The following FSTL4 variants were observed in gnomAD, a reference collection of about 807,000 sequenced individuals.
FSTL4 encodes follistatin-related protein 4.
In FSTL4, 28 loss-of-function variants were observed where a neutral mutation model predicts 78.2. The ratio of observed to expected loss-of-function variants is 0.36; its 90% CI spans 0.27 to 0.49. The LOEUF (loss-of-function observed/expected upper bound fraction) is 0.49. Ranked by LOEUF, FSTL4 falls within the 20% of genes least tolerant of loss-of-function variation. FSTL4 has a pLI of 0.98. For synonymous variants in FSTL4, 422 were observed against 440.5 expected (o/e 0.96, Z 0.53); for missense variants, 922 against 1,084.9 (o/e 0.85, Z 2.11).
rs1750246761 is a variant in FSTL4, at chr5:133,199,389, T to C, written c.2235A>G (p.Glu745=). The change falls in exon 16 of 16, where the codon GAA becomes GAG. Residue 745 remains glutamate (E), a synonymous_variant. Coordinates refer to ENST00000265342, the MANE Select transcript of FSTL4 (RefSeq NM_015082.2). The surrounding 1 kb of genome is among the most constrained non-coding windows in gnomAD (Gnocchi z 4.4). ...CCGCGTAGATGTTGTATTGATTGCT[T>C]TCAGTGAAGGAGCGCTGGAAGGCCA... ...SDLAFQRSFT[E]SNQYNIYAAL... is the part of the protein sequence containing the mutation. 1 of 1,614,156 alleles carries C rather than the reference T, an allele frequency of 6.2e-7. No homozygotes were observed. Among genetic ancestry groups the C allele is most frequent in the East Asian group, 2.2e-5 (1 of 44,878 alleles).
chr5:133,427,387 A>G (rs908298248), intron 3 of FSTL4, among the ~76,000 whole-genome samples: 1 of 152,140 alleles, frequency 6.6e-6, no homozygotes, highest in African/African-American at 2.4e-5. Flanking sequence ...TTGGCAGTAG[A>G]GATATAAGAG....
the FSTL4 span, among the ~76,000 whole-genome samples, chr5:133,642,187 A>G: frequency 6.6e-6 from 1 of 152,210 alleles, no homozygotes; most frequent in Non-Finnish European, 1.5e-5. Flanking sequence ...TTCTGGCAAG[A>G]ATAGTGCTTG....
intron 14 of FSTL4, among the ~76,000 whole-genome samples, chr5:133,203,919 C>G (rs891361633): frequency 2.0e-5 from 3 of 152,204 alleles, no homozygotes; most frequent in African/African-American, 7.2e-5. Flanking sequence ...TCACGAGTTC[C>G]TCCTCGGCTT....
chr5:133,566,718 G>A (rs573324241), intron 3 of FSTL4, among the ~76,000 whole-genome samples: 6 of 152,278 alleles, frequency 3.9e-5, no homozygotes, highest in Non-Finnish European at 8.8e-5. Context: ...GTTTTCAAAA[G>A]GAAAATTAAT....
intron 2 of FSTL4, among the ~76,000 whole-genome samples, chr5:133,577,304 A>G (rs1760304879): frequency 6.6e-6 from 1 of 152,158 alleles, no homozygotes; most frequent in South Asian, 2.1e-4. Flanking sequence ...GCAAGTGCTC[A>G]TGAAAAACAC....
chr5:133,629,712 A>G, the FSTL4 span, among the ~76,000 whole-genome samples: 1 of 152,218 alleles, frequency 6.6e-6, no homozygotes, highest in African/African-American at 2.4e-5. Context: ...ATTTCAGGCC[A>G]ATATCCCTGA....
At chr5:133,656,351 T>A in the FSTL4 span, among the ~76,000 whole-genome samples, 1 of 152,140 alleles carries the variant, frequency 6.6e-6, no homozygotes, top group African/African-American at 2.4e-5. Flanking sequence ...TATACAACAA[T>A]TCCCATTTCA....
chr5:133,595,446 T>C (rs1284346320), intron 2 of FSTL4, among the ~76,000 whole-genome samples: 1 of 152,188 alleles, frequency 6.6e-6, no homozygotes, highest in Non-Finnish European at 1.5e-5. Context: ...TCAACAAATA[T>C]CTGAACATCC....
intron 13 of FSTL4, chr5:133,211,117 G>A (rs1046716098): frequency 1.3e-5 from 2 of 152,188 alleles, no homozygotes; most frequent in Non-Finnish European, 2.9e-5. Context: ...TGGCGCCTCT[G>A]GGTCTCAGAC....
intron 4 of FSTL4, among the ~76,000 whole-genome samples, chr5:133,319,411 G>T: frequency 6.6e-6 from 1 of 152,352 alleles, no homozygotes; most frequent in Middle Eastern, 3.4e-3. Context: ...GGCACTGTGG[G>T]TGCCTGTGGT....
At chr5:133,620,772 G>T in the FSTL4 span, among the ~76,000 whole-genome samples, 2 of 152,236 alleles carry the variant, frequency 1.3e-5, 1 homozygote, top group East Asian at 3.9e-4. Flanking sequence ...CAGGCTTTCA[G>T]TCTTTTATTA....
chr5:133,257,978 A>G (rs1291137591), intron 6 of FSTL4, among the ~76,000 whole-genome samples: 1 of 152,252 alleles, frequency 6.6e-6, no homozygotes, highest in Non-Finnish European at 1.5e-5. Flanking sequence ...ACAAAAATTC[A>G]TACAGATCTC....
At position 133,440,691 on chromosome 5, in the gene FSTL4, C is replaced by G. The variant is rs1336843583; in HGVS notation, c.161-39705G>C. Among the ~76,000 whole-genome samples, 1 of 152,070 alleles carries G rather than the reference C, an allele frequency of 6.6e-6. No homozygotes were observed. Among genetic ancestry groups the G allele is most frequent in the Non-Finnish European group, 1.5e-5 (1 of 67,988 alleles). On this transcript the variant is annotated intron_variant, in intron 3 of 15. Coordinates refer to ENST00000265342, the MANE Select transcript of FSTL4 (RefSeq NM_015082.2). The surrounding 1 kb of genome is among the most constrained non-coding windows in gnomAD (Gnocchi z 4.1). ...AACCTCTGAGAGGCCTGGGAATGTCCAAGCAGGGGGAAGAGAAGACAGTGG... is the reference window on the plus strand; with the variant it reads ...AACCTCTGAGAGGCCTGGGAATGTCGAAGCAGGGGGAAGAGAAGACAGTGG...
intron 4 of FSTL4, among the ~76,000 whole-genome samples, chr5:133,394,807 G>T (rs1019735433): frequency 5.9e-5 from 9 of 152,258 alleles, no homozygotes; most frequent in African/African-American, 2.2e-4. Flanking sequence ...GAAGCCAGCT[G>T]GGCTCCTGAG....
intron 3 of FSTL4, among the ~76,000 whole-genome samples, chr5:133,540,538 A>T (rs1257568367): frequency 6.6e-6 from 1 of 152,066 alleles, no homozygotes; most frequent in Admixed American, 6.5e-5. Context: ...AAAGAACCTT[A>T]TAGGTACCCC....
intron 3 of FSTL4, among the ~76,000 whole-genome samples, chr5:133,407,264 C>T (rs1756385112): frequency 6.6e-6 from 1 of 152,196 alleles, no homozygotes. Context: ...GCCATTAAGC[C>T]CCTTACCTCC....
intron 3 of FSTL4, among the ~76,000 whole-genome samples, chr5:133,458,777 G>A (rs1580722525): frequency 6.6e-6 from 1 of 152,336 alleles, no homozygotes; most frequent in East Asian, 1.9e-4. Context: ...ACACAAGGTG[G>A]GAGAGGAGGA....
intron 13 of FSTL4, among the ~76,000 whole-genome samples, chr5:133,211,949 T>G (rs1008333441): frequency 6.6e-6 from 1 of 152,210 alleles, no homozygotes; most frequent in African/African-American, 2.4e-5. Flanking sequence ...GAAGTCTCCC[T>G]TTACTCTCTT....
the FSTL4 span, among the ~76,000 whole-genome samples, chr5:133,619,303 C>A: frequency 6.6e-6 from 1 of 152,162 alleles, no homozygotes; most frequent in Non-Finnish European, 1.5e-5. Flanking sequence ...GAAAAAGAAC[C>A]TAGGTCCTTA....
Sources: allele counts gnomAD v4.1 joint callset (sites outside exome capture counted in the v4.1 genomes callset), GRCh38; gene constraint gnomAD v4.1.1; non-coding constraint Gnocchi (gnomAD v3.1); transcripts MANE v1.5; gene names NCBI Gene and HGNC (gene_info 2026-07-23, HGNC 2026-07-21).